Variants in BRME1 observed in about 807,000 individuals in gnomAD.
The protein encoded by BRME1 is break repair meiotic recombinase recruitment factor 1, also known as BRCA2 and MEILB2-associating protein 1.
A neutral mutation model predicts 52.6 loss-of-function variants in BRME1; 31 were observed. The observed-to-expected ratio is 0.59, with a 90% confidence interval of 0.44 to 0.80. The LOEUF (loss-of-function observed/expected upper bound fraction) is 0.80, where lower values mean the gene tolerates loss of function less well. Ranked by LOEUF, BRME1 falls within the 30% of genes least tolerant of loss-of-function variation. The pLI is 0.00. For missense variants in BRME1, 804 were observed against 860.3 expected (o/e 0.93, Z 0.82); for synonymous variants, 359 against 353.6 (o/e 1.02, Z -0.17).
rs1401890348 is a variant in BRME1 at position 13,892,828 on chromosome 19, T to C, written c.351A>G (p.Glu117=). ...AKSRKTVTRK[E]EMKDEDRGSG... is the part of the protein sequence containing the mutation. ...TCCCACGGTCCTCATCCTTCATCTCTTCTTTTCTTGTCACTGTCTTCCTGG... is the reference window on the plus strand; with the variant it reads ...TCCCACGGTCCTCATCCTTCATCTCCTCTTTTCTTGTCACTGTCTTCCTGG... The change falls in exon 5 of 9, where the codon GAA becomes GAG. Residue 117 remains glutamate, a synonymous_variant. Coordinates refer to ENST00000586783, the MANE Select transcript of BRME1 (RefSeq NM_001345843.2). The C allele has an allele frequency of 6.2e-7, 1 of 1,614,178 alleles. No homozygotes were observed. Among genetic ancestry groups the C allele is most frequent in the Non-Finnish European group, 8.5e-7 (1 of 1,179,976 alleles).
chr19:13,889,240 C>T lies in BRME1; in HGVS notation c.1616G>A (p.Ser539Asn), dbSNP rs369132888. ...GGCGTCCAGGGCATCCTGTATCTGG[C>T]TGTCCAGCAGGAAGTCGAGTTCCAC... ...LAVELDFLLD[S>N]QIQDALDASD... The change falls in exon 6 of 9, where the codon AGC becomes AAC. Residue 539 changes from serine (S) to asparagine (N), a missense_variant. Ser to Asn is a conservative substitution (Grantham distance 46). Transcript: ENST00000586783. The T allele has an allele frequency of 6.2e-7, 1 of 1,612,942 alleles. No homozygotes were observed. Among genetic ancestry groups the T allele is most frequent in the Non-Finnish European group, 8.5e-7 (1 of 1,179,418 alleles).
At chr19:13,901,680 CAG>C (rs1970305567) in intron 2 of BRME1, among the ~76,000 whole-genome samples, 2 of 145,668 alleles carry the variant, frequency 1.4e-5, no homozygotes, top group South Asian at 4.3e-4. Context: ...GCCTGGGTGA[CAG>C]AGTGAGACTG....
chr19:13,886,034 G>A lies in BRME1; in HGVS notation c.1690C>T (p.Pro564Ser). The change falls in exon 7 of 9, where the codon CCG (proline) becomes TCG (serine). Residue 564 changes from proline (P) to serine (S), a missense_variant. Pro to Ser is a moderately conservative substitution (Grantham distance 74, BLOSUM62 -1). This residue lies in a region of BRME1 where 552 missense variants were observed against 561.1 expected (regional missense o/e 0.98). Coordinates refer to ENST00000586783, the MANE Select transcript of BRME1 (RefSeq NM_001345843.2). Reference protein sequence around the residue: ...PEQLFPSGNKPGPCWPGPSSH... With the variant: ...PEQLFPSGNKSGPCWPGPSSH... ...CTGGGGCCCGGCCAGCAAGGGCCCG[G>A]CTTGTTCCCCGAAGGAAAGAGCTGG... 1 of 1,613,990 alleles carries A rather than the reference G, an allele frequency of 6.2e-7. No individual in the cohort carries two copies. The highest frequency in any genetic ancestry group is 8.5e-7 in the Non-Finnish European group (1 of 1,180,000).
chr19:13,886,094 G>T, intron 6 of BRME1, 39 bp from the exon 7 acceptor site: 1 of 1,578,458 alleles, frequency 6.3e-7, no homozygotes, highest in South Asian at 1.1e-5. Context: ...TCGAGGCCTG[G>T]GTCGGGCAAG....
intron 6 of BRME1, among the ~76,000 whole-genome samples, chr19:13,886,770 G>C (rs1329288641): frequency 7.1e-6 from 1 of 141,406 alleles, no homozygotes; most frequent in African/African-American, 2.9e-5. Flanking sequence ...GACCAGCCTG[G>C]GCAACACGGC....
chr19:13,891,133 T>TG (rs1969460541), intron 5 of BRME1, among the ~76,000 whole-genome samples: 1 of 138,984 alleles, frequency 7.2e-6, no homozygotes, highest in African/African-American at 3.0e-5. Context: ...GTCAATTTCC[T>TG]GTTTATTATT....
intron 6 of BRME1, among the ~76,000 whole-genome samples, chr19:13,886,605 T>C (rs564898754): frequency 6.6e-6 from 1 of 152,168 alleles, no homozygotes; most frequent in South Asian, 2.1e-4. Context: ...TAAGCGTCAA[T>C]GGTGGTTTAA....
chr19:13,890,668 C>T (rs1052509995), intron 5 of BRME1, among the ~76,000 whole-genome samples: 4 of 152,104 alleles, frequency 2.6e-5, no homozygotes, highest in Non-Finnish European at 5.9e-5. Context: ...AGTTCAAGAT[C>T]AGCCTGGCCA....
intron 8 of BRME1, 46 bp from the exon 9 acceptor site, chr19:13,882,998 G>C: frequency 6.3e-7 from 1 of 1,589,154 alleles, no homozygotes; most frequent in Non-Finnish European, 8.6e-7. Flanking sequence ...GTGGTCACCA[G>C]GTGACAGAGG....
rs78688381 is a variant in BRME1 at position 13,889,531 on chromosome 19, G to C, written c.1325C>G (p.Thr442Arg). The change falls in exon 6 of 9, where the codon ACA (threonine) becomes AGA (arginine). Residue 442 changes from threonine to arginine, a missense_variant. Physicochemically the swap from Thr to Arg is moderately conservative, Grantham distance 71. Transcript: ENST00000586783. Reference protein sequence around the residue: ...AGDSGHASPDTGPCVNQKQEP... With the variant: ...AGDSGHASPDRGPCVNQKQEP... ...CTGCTTCTGATTGACACATGGACCT[G>C]TGTCCGGGGATGCATGACCGGAATC... 1,192 of 1,613,866 alleles carry C rather than the reference G, an allele frequency of 7.4e-4. 6 individuals carry two copies. In the African/African-American group the frequency reaches 0.014, roughly 20 times the overall value.
intron 3 of BRME1, among the ~76,000 whole-genome samples, chr19:13,894,931 A>C (rs562110611): frequency 6.6e-6 from 1 of 152,020 alleles, no homozygotes; most frequent in South Asian, 2.1e-4. Flanking sequence ...CCCAGGCTGG[A>C]GCGTAGTGGC....
At position 13,904,973 on chromosome 19, in the gene BRME1, T is replaced by C. The variant is rs372474648; in HGVS notation, c.-21-60A>G. On this transcript the variant is annotated intron_variant, in intron 1 of 8. Coordinates refer to ENST00000586783, the MANE Select transcript of BRME1 (RefSeq NM_001345843.2). ...AGTCTCTGTCTCTGTTTATATCCAG[T>C]GGCTTTGGCTGAGAGCAGAGGTTAC... 417 of 1,424,638 alleles carry C rather than the reference T, an allele frequency of 2.9e-4. 3 individuals are homozygous for C. In the African/African-American group the frequency reaches 5.5e-3, roughly 19 times the overall value. 88.2% of individuals were successfully genotyped at this position (1,424,638 alleles called of 1,614,324 possible). A position where few individuals can be genotyped will look rare whatever the true frequency, so the allele number is the denominator to read the frequency against.
chr19:13,897,546 T>C (rs1432607794), intron 2 of BRME1, among the ~76,000 whole-genome samples: 4 of 152,140 alleles, frequency 2.6e-5, no homozygotes, highest in Non-Finnish European at 4.4e-5. Context: ...AGCAATTCAA[T>C]ATTATCTTTG....
Position 13,888,857 on chromosome 19 carries a change from G to A in BRME1, c.1668+331C>T, listed in dbSNP as rs901937299. Among the ~76,000 whole-genome samples, 6 of 152,008 alleles carry A rather than the reference G, an allele frequency of 3.9e-5. No homozygotes were observed. Among genetic ancestry groups the A allele is most frequent in the Non-Finnish European group, 5.9e-5 (4 of 67,988 alleles). ...CTCAATACATCCCCTGGGACCCCAC[G>A]GCCAGGGTCAGGCACTGAAGCAGAA... is the stretch of plus-strand genomic sequence containing the variant. On this transcript the variant is annotated intron_variant, in intron 6 of 8. Coordinates refer to ENST00000586783, the MANE Select transcript of BRME1 (RefSeq NM_001345843.2). This position sits in a 1 kb window ranked among gnomAD's most constrained non-coding sequence, Gnocchi z 4.1.
intron 4 of BRME1, 35 bp downstream of exon 4, chr19:13,893,107 G>A (rs377267929): frequency 1.3e-6 from 2 of 1,559,418 alleles, no homozygotes; most frequent in African/African-American, 1.4e-5. Context: ...AGGCAGTGGT[G>A]CTTCTATATC....
intron 5 of BRME1, among the ~76,000 whole-genome samples, chr19:13,891,694 C>T (rs1301814579): frequency 6.8e-6 from 1 of 148,088 alleles, no homozygotes; most frequent in Non-Finnish European, 1.5e-5. Flanking sequence ...GTCTTGAATG[C>T]CTGGGCTCAA....
chr19:13,882,683 C>T lies in BRME1; in HGVS notation c.*119G>A, dbSNP rs1968714040. On this transcript the variant is annotated 3_prime_UTR_variant, in exon 9 of 9. Transcript: ENST00000586783. Reference sequence around the variant, plus strand: ...CTCCTTTGTGTTGTCCATGGAAGACCAACTTCCGGGCAACTGAAGGGAGGT... The same window carrying T: ...CTCCTTTGTGTTGTCCATGGAAGACTAACTTCCGGGCAACTGAAGGGAGGT... The T allele has an allele frequency of 3.1e-5, 43 of 1,383,060 alleles. No homozygotes were observed. The South Asian group carries it at 5.4e-4, about 17-fold the overall frequency. The allele number at this position is 1,383,060 out of a possible 1,614,324, so 85.7% of individuals were successfully genotyped here.
At chr19:13,891,457 T>A (rs1313607550) in intron 5 of BRME1, among the ~76,000 whole-genome samples, 3 of 147,606 alleles carry the variant, frequency 2.0e-5, no homozygotes, top group African/African-American at 7.6e-5. Flanking sequence ...CGGCTATTAT[T>A]ATTTTTATTA....
rs1378549522 is a variant in BRME1, at chr19:13,883,201, C to A, written c.1856+107G>T. The A allele has an allele frequency of 9.1e-7, 1 of 1,102,632 alleles. No individual in the cohort carries two copies. The highest frequency in any genetic ancestry group is 1.3e-6 in the Non-Finnish European group (1 of 770,474). The allele number at this position is 1,102,632 out of a possible 1,614,324, so 68.3% of individuals were successfully genotyped here. A position where few individuals can be genotyped will look rare whatever the true frequency, so the allele number is the denominator to read the frequency against. On this transcript the variant is annotated intron_variant, in intron 8 of 8. Coordinates refer to ENST00000586783, the MANE Select transcript of BRME1 (RefSeq NM_001345843.2). This position sits in a 1 kb window ranked among gnomAD's most constrained non-coding sequence, Gnocchi z 4.2. ...GACCCAGCAGCAGTGAGGTGCCTGA[C>A]CCTCGCTGCCCACCTAGGGGCTTCA...
Sources: gnomAD v4.1 joint callset for allele counts (sites outside exome capture counted in the v4.1 genomes callset) on GRCh38, gnomAD v4.1.1 for gene constraint, gnomAD v4.1.1 regional missense constraint, Gnocchi (gnomAD v3.1) non-coding constraint, MANE v1.5 for transcripts, NCBI Gene and HGNC (gene_info 2026-07-23, HGNC 2026-07-21) for gene names.